The following MRPS28 variants were observed in gnomAD, a reference collection of about 807,000 sequenced individuals.
MRPS28 encodes mitochondrial ribosomal protein S28, also known as small ribosomal subunit protein bS1m.
A neutral mutation model predicts 10.8 loss-of-function variants in MRPS28; 7 were observed. The ratio of observed to expected loss-of-function variants is 0.65; its 90% confidence interval spans 0.37 to 1.22. The LOEUF (loss-of-function observed/expected upper bound fraction) is 1.22. Ranked by LOEUF, MRPS28 falls within the 50% of genes most tolerant of loss-of-function variation. MRPS28 has a pLI of 0.02. For synonymous variants in MRPS28, 121 were observed against 93.3 expected (o/e 1.30, Z -1.71); for missense variants, 265 against 232.9 (o/e 1.14, Z -0.90).
chr8:79,935,474 C>G (rs542765194), intron 2 of MRPS28, among the ~76,000 whole-genome samples: 2 of 152,272 alleles, frequency 1.3e-5, no homozygotes, highest in South Asian at 4.1e-4. Flanking sequence ...AACAGTCAAA[C>G]AACTACATCT....
At chr8:79,950,593 G>A (rs529149591) in intron 2 of MRPS28, among the ~76,000 whole-genome samples, 4 of 151,978 alleles carry the variant, frequency 2.6e-5, no homozygotes, top group African/African-American at 7.2e-5. Context: ...AAATGCCTTC[G>A]GATAGATGAC....
intron 2 of MRPS28, among the ~76,000 whole-genome samples, chr8:79,980,205 A>G (rs986220854): frequency 6.6e-6 from 1 of 152,222 alleles, no homozygotes; most frequent in Non-Finnish European, 1.5e-5. Flanking sequence ...GGTAAGTACT[A>G]TCTTCAACCA....
intron 2 of MRPS28, among the ~76,000 whole-genome samples, chr8:79,978,645 A>G (rs926180341): frequency 1.3e-5 from 2 of 152,228 alleles, no homozygotes; most frequent in Non-Finnish European, 2.9e-5. Flanking sequence ...TTGACAATTG[A>G]AAAGAGAATT....
intron 2 of MRPS28, among the ~76,000 whole-genome samples, chr8:79,973,655 G>C (rs1431656382): frequency 6.6e-6 from 1 of 152,124 alleles, no homozygotes. Flanking sequence ...GGGGCAACTA[G>C]TAAGTGTAAA....
At chr8:80,008,123 TC>T (rs1344089446) in intron 1 of MRPS28, among the ~76,000 whole-genome samples, 2 of 152,122 alleles carry the variant, frequency 1.3e-5, no homozygotes, top group African/African-American at 4.8e-5. Flanking sequence ...AAGCCGTGTA[TC>T]TACAACTATC....
intron 2 of MRPS28, among the ~76,000 whole-genome samples, chr8:79,919,868 T>C (rs1158679205): frequency 1.3e-5 from 2 of 152,106 alleles, no homozygotes; most frequent in African/African-American, 2.4e-5. Flanking sequence ...TACATATGTA[T>C]ACATGTGCCA....
At chr8:79,994,995 T>C (rs1258833100) in intron 2 of MRPS28, among the ~76,000 whole-genome samples, 2 of 152,190 alleles carry the variant, frequency 1.3e-5, no homozygotes, top group Non-Finnish European at 2.9e-5. Context: ...CCCAGTTCTA[T>C]TGTTAGTTCC....
At chr8:80,003,522 C>T (rs1316283148) in intron 1 of MRPS28, among the ~76,000 whole-genome samples, 1 of 152,124 alleles carries the variant, frequency 6.6e-6, no homozygotes, top group African/African-American at 2.4e-5. Context: ...TTAGGGGTTC[C>T]AAGATGGCCG....
At chr8:79,938,732 A>G (rs1479238051) in intron 2 of MRPS28, among the ~76,000 whole-genome samples, 1 of 152,198 alleles carries the variant, frequency 6.6e-6, no homozygotes, top group Non-Finnish European at 1.5e-5. Context: ...TTCTGTTGCA[A>G]GTCTGTCAAA....
chr8:79,948,901 A>C (rs376787882), intron 2 of MRPS28, among the ~76,000 whole-genome samples: 22 of 152,282 alleles, frequency 1.4e-4, no homozygotes, highest in African/African-American at 4.6e-4. Context: ...CATGTTCATA[A>C]GGTGTATTGG....
At chr8:79,964,249 A>T (rs968896985) in intron 2 of MRPS28, among the ~76,000 whole-genome samples, 4 of 152,100 alleles carry the variant, frequency 2.6e-5, no homozygotes, top group African/African-American at 9.7e-5. Context: ...TGTTGTGTGT[A>T]TATTAATATC....
chr8:79,939,783 A>C (rs1806712490), intron 2 of MRPS28, among the ~76,000 whole-genome samples: 1 of 152,132 alleles, frequency 6.6e-6, no homozygotes, highest in South Asian at 2.1e-4. Context: ...ATCCTAGCTA[A>C]CATGGTGAAA....
intron 2 of MRPS28, among the ~76,000 whole-genome samples, chr8:79,978,267 G>GT (rs1338635204): frequency 6.6e-6 from 1 of 152,120 alleles, no homozygotes; most frequent in East Asian, 1.9e-4. Flanking sequence ...TATACTTAAT[G>GT]TTTTTTAATT....
chr8:79,919,941 T>TCCCCCAG (rs1554567160), intron 2 of MRPS28, among the ~76,000 whole-genome samples: 1 of 89,420 alleles, frequency 1.1e-5, no homozygotes, highest in African/African-American at 4.2e-5. Flanking sequence ...ATGCTATCCC[T>TCCCCCAG]CCCCCCACCC....
At chr8:79,945,733 T>C (rs1286968146) in intron 2 of MRPS28, among the ~76,000 whole-genome samples, 1 of 152,204 alleles carries the variant, frequency 6.6e-6, no homozygotes, top group Admixed American at 6.5e-5. Flanking sequence ...CATTAACTGT[T>C]AACATAATGA....
chr8:80,004,127 T>G (rs1808752758), intron 1 of MRPS28, among the ~76,000 whole-genome samples: 1 of 152,160 alleles, frequency 6.6e-6, no homozygotes, highest in Non-Finnish European at 1.5e-5. Context: ...CTGACAGCTT[T>G]GAAGAGAGTA....
intron 1 of MRPS28, among the ~76,000 whole-genome samples, chr8:80,021,920 T>C (rs142932977): frequency 4.5e-4 from 69 of 152,272 alleles, no homozygotes; most frequent in African/African-American, 8.2e-4. Context: ...AACTAGGAAA[T>C]TGACATTGAC....
chr8:79,951,369 T>A lies in MRPS28; in HGVS notation c.396-32221A>T, dbSNP rs116432684. On this transcript the variant is annotated intron_variant, in intron 2 of 2. Transcript: ENST00000276585. ...CCCAAACTGATGGTGCCAAGGTGTG[T>A]TATAAGGGCAAACCAGTGGTAGCCT... 2.2e-3 allele frequency among the ~76,000 whole-genome samples: 339 copies of A among 152,280 alleles called. 5 individuals are homozygous for A. The highest frequency in any genetic ancestry group is 7.8e-3 in the African/African-American group (324 of 41,556).
chr8:80,010,714 C>A (rs1231842479), intron 1 of MRPS28, among the ~76,000 whole-genome samples: 1 of 152,184 alleles, frequency 6.6e-6, no homozygotes, highest in Non-Finnish European at 1.5e-5. Flanking sequence ...GCCCACGAAC[C>A]ACAAGTTTAT....
Sources: gnomAD v4.1 joint callset for allele counts (sites outside exome capture counted in the v4.1 genomes callset) on GRCh38, gnomAD v4.1.1 for gene constraint, MANE v1.5 for transcripts, NCBI Gene and HGNC (gene_info 2026-07-23, HGNC 2026-07-21) for gene names.